Variants in ARK2N observed in about 807,000 individuals in gnomAD.
The protein encoded by ARK2N is arkadia (RNF111) N-terminal like PKA signaling regulator 2N, also known as protein ARK2N.
chr18:46,259,053 C>T, the ARK2N span, among the ~76,000 whole-genome samples: 1 of 151,860 alleles, frequency 6.6e-6, no homozygotes, highest in African/African-American at 2.4e-5. Context: ...TTGTTCTGTC[C>T]TCATCCATCT....
chr18:46,218,770 A>G, the ARK2N span: 2 of 152,210 alleles, frequency 1.3e-5, no homozygotes, highest in Non-Finnish European at 2.9e-5. Context: ...AAAGTTGCCT[A>G]AATTGTAAAG....
the ARK2N span, among the ~76,000 whole-genome samples, chr18:46,226,646 T>C: frequency 0.013 from 2,002 of 152,318 alleles, 24 homozygotes; most frequent in Middle Eastern, 0.065. Flanking sequence ...TAGATGTTTT[T>C]ATGTGCAGCC....
At chr18:46,178,227 C>T in the ARK2N span, among the ~76,000 whole-genome samples, 2 of 152,270 alleles carry the variant, frequency 1.3e-5, no homozygotes, top group Admixed American at 6.5e-5. Flanking sequence ...CTTATTAGTC[C>T]GCTAATGGGT....
chr18:46,258,178 G>A, the ARK2N span, among the ~76,000 whole-genome samples: 10 of 152,130 alleles, frequency 6.6e-5, no homozygotes, highest in South Asian at 1.7e-3. Flanking sequence ...TGCCCGCCTC[G>A]GCCTCCCAAA....
chr18:46,258,133 C>A, the ARK2N span, among the ~76,000 whole-genome samples: 2 of 152,062 alleles, frequency 1.3e-5, no homozygotes, highest in Non-Finnish European at 2.9e-5. Flanking sequence ...ACCATGTTGC[C>A]CCGGCTGGTC....
At chr18:46,174,949 A>T in the ARK2N span, among the ~76,000 whole-genome samples, 1 of 152,226 alleles carries the variant, frequency 6.6e-6, no homozygotes, top group Admixed American at 6.5e-5. Flanking sequence ...TTCGGTCGGC[A>T]GGCGCCTCCA....
the ARK2N span, among the ~76,000 whole-genome samples, chr18:46,249,527 C>T: frequency 1.3e-5 from 2 of 152,194 alleles, no homozygotes; most frequent in African/African-American, 4.8e-5. Flanking sequence ...CCACCACGCC[C>T]GGCCTTGCAT....
At chr18:46,226,414 G>C in the ARK2N span, among the ~76,000 whole-genome samples, 2 of 152,204 alleles carry the variant, frequency 1.3e-5, no homozygotes, top group Non-Finnish European at 2.9e-5. Flanking sequence ...TGTTGTAAAG[G>C]ATACCTGTAG....
chr18:46,260,494 C>T, the ARK2N span, among the ~76,000 whole-genome samples: 1 of 152,324 alleles, frequency 6.6e-6, no homozygotes, highest in Non-Finnish European at 1.5e-5. Context: ...AAATTCTCTT[C>T]ATTGTTTAAA....
At chr18:46,189,997 T>C in the ARK2N span, among the ~76,000 whole-genome samples, 1 of 152,232 alleles carries the variant, frequency 6.6e-6, no homozygotes, top group African/African-American at 2.4e-5. Flanking sequence ...AGTCTTATCC[T>C]GAGAGGCAGG....
chr18:46,240,790 T>C, the ARK2N span, among the ~76,000 whole-genome samples: 2 of 152,234 alleles, frequency 1.3e-5, no homozygotes, highest in African/African-American at 2.4e-5. Context: ...AGGTGGTATT[T>C]ATTCACTAAA....
the ARK2N span, among the ~76,000 whole-genome samples, chr18:46,203,568 C>T: frequency 1.3e-5 from 2 of 151,990 alleles, no homozygotes; most frequent in Non-Finnish European, 2.9e-5. Flanking sequence ...TAACGATGTG[C>T]ATTTCTGTGT....
chr18:46,266,714 A>G, the ARK2N span: 6 of 152,664 alleles, frequency 3.9e-5, no homozygotes, highest in Non-Finnish European at 2.9e-5. Context: ...CTGGAGTGTG[A>G]GCGTGGACTT....
chr18:46,242,748 A>G, the ARK2N span, among the ~76,000 whole-genome samples: 18 of 152,168 alleles, frequency 1.2e-4, no homozygotes, highest in Admixed American at 6.5e-5. Flanking sequence ...TTAGTTAAAC[A>G]TTTTATGAGT....
the ARK2N span, among the ~76,000 whole-genome samples, chr18:46,175,110 C>T: frequency 6.7e-6 from 1 of 148,400 alleles, no homozygotes; most frequent in East Asian, 2.0e-4. Context: ...TTAAAATTGT[C>T]CACCCCCCCG....
At chr18:46,230,736 A>G in the ARK2N span, among the ~76,000 whole-genome samples, 3 of 152,248 alleles carry the variant, frequency 2.0e-5, no homozygotes, top group Admixed American at 1.3e-4. Context: ...CATTTAAAAA[A>G]TCGCCGAATG....
At chr18:46,248,768 A>T in the ARK2N span, among the ~76,000 whole-genome samples, 2 of 152,124 alleles carry the variant, frequency 1.3e-5, no homozygotes, top group Non-Finnish European at 2.9e-5. Context: ...TATTTTTAGT[A>T]GAGATGGGGT....
the ARK2N span, among the ~76,000 whole-genome samples, chr18:46,245,827 T>A: frequency 6.3e-3 from 966 of 152,282 alleles, 6 homozygotes; most frequent in Non-Finnish European, 9.7e-3. Flanking sequence ...GATAATTTAG[T>A]TACTACTTTT....
At chr18:46,250,170 A>G in the ARK2N span, among the ~76,000 whole-genome samples, 1 of 152,084 alleles carries the variant, frequency 6.6e-6, no homozygotes, top group Non-Finnish European at 1.5e-5. Flanking sequence ...TACCGATTGT[A>G]CCATTGACTG....
Sources: gnomAD v4.1 joint callset for allele counts (sites outside exome capture counted in the v4.1 genomes callset) on GRCh38, gnomAD v4.1.1 for gene constraint, MANE v1.5 for transcripts, NCBI Gene and HGNC (gene_info 2026-07-23, HGNC 2026-07-21) for gene names.